Variants in SLC16A7 observed in about 807,000 individuals in gnomAD.
The protein encoded by SLC16A7 is monocarboxylate transporter 2.
A neutral mutation model predicts 34.9 loss-of-function variants in SLC16A7; 33 were observed. That is an observed-to-expected ratio of 0.94 (90% CI 0.72 to 1.26). The LOEUF (loss-of-function observed/expected upper bound fraction) is 1.26. Ranked by LOEUF, SLC16A7 falls within the 50% of genes most tolerant of loss-of-function variation. SLC16A7 has a pLI of 0.00. For synonymous variants in SLC16A7, 201 were observed against 206.6 expected (o/e 0.97, Z 0.23); for missense variants, 573 against 578.1 (o/e 0.99, Z 0.09).
At chr12:59,635,866 G>GA (rs1463784084) in intron 1 of SLC16A7, among the ~76,000 whole-genome samples, 3 of 151,916 alleles carry the variant, frequency 2.0e-5, no homozygotes, top group South Asian at 4.1e-4. Flanking sequence ...CTTTATGTAT[G>GA]TTAATAATGA....
intron 3 of SLC16A7, among the ~76,000 whole-genome samples, chr12:59,765,197 A>G (rs11173136): frequency 0.15 from 22,703 of 151,726 alleles, 1,988 homozygotes; most frequent in Non-Finnish European, 0.19. Flanking sequence ...TTTTCTTGTA[A>G]ATTTGTTTGA....
chr12:59,733,745 G>A (rs1365438936), intron 3 of SLC16A7: 2 of 456,074 alleles, frequency 4.4e-6, no homozygotes, highest in Non-Finnish European at 8.8e-6. Flanking sequence ...TCACCTCCAG[G>A]AAGAATGAAG....
chr12:59,681,279 G>A (rs1280224027), intron 2 of SLC16A7, among the ~76,000 whole-genome samples: 1 of 152,156 alleles, frequency 6.6e-6, no homozygotes, highest in Non-Finnish European at 1.5e-5. Flanking sequence ...CATCCATCTT[G>A]TTTATTGTTT....
At position 59,779,802 on chromosome 12, in the gene SLC16A7, G is replaced by A. The variant is rs1230196925; in HGVS notation, c.*123G>A. On this transcript the variant is annotated 3_prime_UTR_variant, in exon 6 of 6. Transcript: ENST00000547379. ...TGAGGAGTCACAATTAAGGATGGAG[G>A]TGATATTTTCCTCAATGGCAAATTT... 1.4e-6 allele frequency: 1 copy of A among 733,114 alleles called. No homozygotes were observed. The highest frequency in any genetic ancestry group is 2.9e-5 in the East Asian group (1 of 34,826). 45.4% of individuals were successfully genotyped at this position (733,114 alleles called of 1,614,324 possible). A position where few individuals can be genotyped will look rare whatever the true frequency, so the allele number is the denominator to read the frequency against.
intron 2 of SLC16A7, among the ~76,000 whole-genome samples, chr12:59,687,838 A>T (rs112301507): frequency 3.8e-4 from 58 of 152,234 alleles, no homozygotes; most frequent in African/African-American, 1.4e-3. Flanking sequence ...CATGGCCTAC[A>T]CTGCATTGAC....
At chr12:59,638,798 A>G (rs2137003363) in intron 1 of SLC16A7, among the ~76,000 whole-genome samples, 1 of 152,268 alleles carries the variant, frequency 6.6e-6, no homozygotes, top group South Asian at 2.1e-4. Context: ...GGGTTATTAC[A>G]TCTTTACTAT....
chr12:59,708,902 C>T (rs1359401835), intron 3 of SLC16A7, among the ~76,000 whole-genome samples: 3 of 151,700 alleles, frequency 2.0e-5, no homozygotes, highest in Non-Finnish European at 2.9e-5. Flanking sequence ...AATGGCATCA[C>T]ATTACAGCAA....
intron 1 of SLC16A7, among the ~76,000 whole-genome samples, chr12:59,619,319 C>T (rs1879597448): frequency 6.6e-6 from 1 of 151,836 alleles, no homozygotes; most frequent in Non-Finnish European, 1.5e-5. Flanking sequence ...GTTATTTAGC[C>T]CATTATTTTA....
chr12:59,755,237 G>A (rs527681673), intron 3 of SLC16A7, among the ~76,000 whole-genome samples: 259 of 152,184 alleles, frequency 1.7e-3, no homozygotes, highest in African/African-American at 4.8e-3. Context: ...TCAACATAGT[G>A]TTGGAAGTTC....
intron 1 of SLC16A7, among the ~76,000 whole-genome samples, chr12:59,604,870 G>A (rs1204870884): frequency 1.3e-5 from 2 of 151,606 alleles, no homozygotes; most frequent in African/African-American, 2.4e-5. Flanking sequence ...TTTTTGAGAC[G>A]GAGTCTCACT....
At chr12:59,655,589 C>T (rs1400504756) in intron 2 of SLC16A7, among the ~76,000 whole-genome samples, 4 of 151,740 alleles carry the variant, frequency 2.6e-5, no homozygotes, top group African/African-American at 9.7e-5. Flanking sequence ...TTATTACTAG[C>T]ATGAATTCTG....
chr12:59,732,473 C>G (rs1020487920), intron 3 of SLC16A7, among the ~76,000 whole-genome samples: 1 of 152,090 alleles, frequency 6.6e-6, no homozygotes, highest in Admixed American at 6.6e-5. Flanking sequence ...CATAATGGCT[C>G]CTGAATCTTT....
intron 3 of SLC16A7, among the ~76,000 whole-genome samples, chr12:59,757,280 A>AAT (rs1350682691): frequency 9.2e-5 from 14 of 151,726 alleles, no homozygotes; most frequent in African/African-American, 3.4e-4. Flanking sequence ...AATAAAATAA[A>AAT]AAAAGAAGAA....
chr12:59,697,660 T>C (rs1872465280), intron 2 of SLC16A7, among the ~76,000 whole-genome samples: 1 of 151,618 alleles, frequency 6.6e-6, no homozygotes, highest in African/African-American at 2.4e-5. Context: ...ACTTATACTA[T>C]AATTGCTACC....
intron 2 of SLC16A7, among the ~76,000 whole-genome samples, chr12:59,690,634 C>T (rs1871540682): frequency 6.6e-6 from 1 of 151,944 alleles, no homozygotes; most frequent in Non-Finnish European, 1.5e-5. Flanking sequence ...TTTGGTAAGT[C>T]TCTAGTTATT....
rs542416887 is a variant in SLC16A7, at chr12:59,620,554, C to G, written c.-130+24318C>G. ...TTGATGACTAAGGCCTTTCTAGTCA[C>G]TCCTGTTCTTGGTTTCGTGAAAAGA... On this transcript the variant is annotated intron_variant, in intron 1 of 5. Transcript: ENST00000547379. Among the ~76,000 whole-genome samples, 6 of 152,056 alleles carry G rather than the reference C, an allele frequency of 3.9e-5. No homozygotes were observed. The East Asian group carries it at 1.2e-3, about 29-fold the overall frequency.
intron 3 of SLC16A7, among the ~76,000 whole-genome samples, chr12:59,747,403 A>C (rs915408924): frequency 1.3e-5 from 2 of 152,242 alleles, no homozygotes; most frequent in African/African-American, 4.8e-5. Flanking sequence ...TAATGTATTA[A>C]GGGTTTCAAA....
At chr12:59,693,877 GT>G (rs1871963656) in intron 2 of SLC16A7, among the ~76,000 whole-genome samples, 2 of 151,718 alleles carry the variant, frequency 1.3e-5, no homozygotes, top group African/African-American at 4.8e-5. Context: ...AAAAATACTA[GT>G]TGTGGTAGCA....
At chr12:59,770,656 A>G (rs1466787410) in intron 3 of SLC16A7, among the ~76,000 whole-genome samples, 1 of 152,160 alleles carries the variant, frequency 6.6e-6, no homozygotes, top group Non-Finnish European at 1.5e-5. Context: ...AAAAGTCATT[A>G]GGTGTAAGAC....
Sources: gnomAD v4.1 joint callset for allele counts (sites outside exome capture counted in the v4.1 genomes callset) on GRCh38, gnomAD v4.1.1 for gene constraint, MANE v1.5 for transcripts, NCBI Gene and HGNC (gene_info 2026-07-23, HGNC 2026-07-21) for gene names.